Variants in SASH1 observed in about 807,000 individuals in gnomAD.
SASH1 encodes the protein SAM and SH3 domain-containing protein 1.
A neutral mutation model predicts 125.2 loss-of-function variants in SASH1; 44 were observed. That is an observed-to-expected ratio of 0.35 (90% CI 0.28 to 0.45). SASH1 has a LOEUF of 0.45. Ranked by LOEUF, SASH1 falls within the 20% of genes least tolerant of loss-of-function variation. The pLI is 1.00. For synonymous variants in SASH1, 639 were observed against 649.1 expected, an observed-to-expected ratio of 0.98 and a Z score of 0.24; for missense variants, 1,426 against 1,614.5, an observed-to-expected ratio of 0.88 and a Z score of 2.00.
At chr6:148,476,347 A>G (rs925285294) in intron 7 of SASH1, among the ~76,000 whole-genome samples, 3 of 151,766 alleles carry the variant, frequency 2.0e-5, no homozygotes, top group East Asian at 1.9e-4. Context: ...TAAAATGGCT[A>G]TGCTACCCAA....
the SASH1 span, among the ~76,000 whole-genome samples, chr6:148,244,549 G>A: frequency 2.0e-5 from 3 of 152,154 alleles, no homozygotes; most frequent in Admixed American, 6.5e-5. Flanking sequence ...GTGCTAAGGC[G>A]TTGTTTGCAG....
chr6:148,536,415 C>G (rs1447698449), intron 16 of SASH1, among the ~76,000 whole-genome samples: 1 of 152,232 alleles, frequency 6.6e-6, no homozygotes, highest in Non-Finnish European at 1.5e-5. Context: ...TCTTGGTTCA[C>G]CGCAACCTCC....
chr6:148,461,365 T>C (rs945148261), intron 4 of SASH1, among the ~76,000 whole-genome samples: 1 of 152,184 alleles, frequency 6.6e-6, no homozygotes, highest in South Asian at 2.1e-4. Context: ...AGAAAAAACC[T>C]GTATGGGGAT....
chr6:148,246,266 A>C, the SASH1 span, among the ~76,000 whole-genome samples: 1 of 152,192 alleles, frequency 6.6e-6, no homozygotes, highest in Non-Finnish European at 1.5e-5. Flanking sequence ...TCTTATCGTC[A>C]TTCAGTTCAT....
At chr6:148,304,484 G>A (rs1469546832) in intron 1 of SASH1, among the ~76,000 whole-genome samples, 1 of 146,918 alleles carries the variant, frequency 6.8e-6, no homozygotes, top group Non-Finnish European at 1.5e-5. Flanking sequence ...GGTGGTGGGC[G>A]CCTATAATCC....
At chr6:148,322,904 C>CCT (rs1780679960) in intron 1 of SASH1, among the ~76,000 whole-genome samples, 1 of 130,490 alleles carries the variant, frequency 7.7e-6, no homozygotes, top group Non-Finnish European at 1.7e-5. Flanking sequence ...TTCTTTCTCT[C>CCT]TCTTTCTTTC....
intron 4 of SASH1, among the ~76,000 whole-genome samples, chr6:148,444,682 G>A (rs1488220124): frequency 6.6e-6 from 1 of 152,112 alleles, no homozygotes; most frequent in Admixed American, 6.5e-5. Context: ...TATCTACATC[G>A]CTTATTGATG....
intron 8 of SASH1, among the ~76,000 whole-genome samples, chr6:148,496,522 G>A (rs1290214779): frequency 2.0e-5 from 3 of 152,340 alleles, no homozygotes; most frequent in African/African-American, 7.2e-5. Context: ...CAGCAATTCT[G>A]TATACGATGC....
At chr6:148,385,619 G>A (rs1392992080) in intron 1 of SASH1, among the ~76,000 whole-genome samples, 2 of 152,150 alleles carry the variant, frequency 1.3e-5, no homozygotes, top group African/African-American at 4.8e-5. Flanking sequence ...CAACCTCTGG[G>A]GAGGGGAGAG....
Position 148,544,534 on chromosome 6 carries a change from A to G in SASH1, c.3064A>G (p.Lys1022Glu), listed in dbSNP as rs1417029928. 2 of 1,613,280 alleles carry G rather than the reference A, an allele frequency of 1.2e-6. No individual in the cohort carries two copies. The highest frequency in any genetic ancestry group is 1.1e-5 in the South Asian group (1 of 91,074). ...PSPDAPCLPV[K>E]RGSPASPTSP... Reference sequence around the variant, plus strand: ...TCCCGATGCGCCATGCCTGCCAGTGAAAAGGGGCAGCCCCGCCAGCCCCAC... The same window carrying G: ...TCCCGATGCGCCATGCCTGCCAGTGGAAAGGGGCAGCCCCGCCAGCCCCAC... Residue 1022 changes from lysine (K) to glutamate (E), a missense_variant, in exon 18 of 20, where the codon AAA becomes GAA. Physicochemically the swap from Lys to Glu is moderately conservative, Grantham distance 56. This residue lies in a region of SASH1 where 634 missense variants were observed against 694.4 expected (regional missense o/e 0.91). Coordinates refer to ENST00000367467, the MANE Select transcript of SASH1 (RefSeq NM_015278.5). This position sits in a 1 kb window ranked among gnomAD's most constrained non-coding sequence, Gnocchi z 6.4.
rs1176679919 is a variant in SASH1 at position 148,428,701 on chromosome 6, TG to T, written c.286-11480del. The stretch of plus-strand genomic sequence containing the variant: ...TATTTTAACAGAGAGCACTAATGGC[TG>T]GGTGGAAATTGCCACTTCAGGTTTC... On this transcript the variant is annotated intron_variant, in intron 2 of 19. Transcript: ENST00000367467. Among the ~76,000 whole-genome samples, 3 of 151,234 alleles carry T rather than the reference TG, an allele frequency of 2.0e-5. 1 individual carries two copies. The East Asian group carries it at 5.8e-4, about 29-fold the overall frequency.
At chr6:148,457,487 T>G (rs1189762352) in intron 4 of SASH1, among the ~76,000 whole-genome samples, 2 of 152,198 alleles carry the variant, frequency 1.3e-5, no homozygotes, top group Non-Finnish European at 2.9e-5. Flanking sequence ...TTACAGTGAC[T>G]AATTGCGTGA....
At chr6:148,542,068 G>A (rs1000251859) in intron 17 of SASH1, among the ~76,000 whole-genome samples, 3 of 151,966 alleles carry the variant, frequency 2.0e-5, no homozygotes, top group Non-Finnish European at 4.4e-5. Flanking sequence ...CCCAACTGTT[G>A]GTGATTGGTA....
chr6:148,298,701 GGAAGGAA>G (rs1562312200), intron 1 of SASH1, among the ~76,000 whole-genome samples: 6 of 83,526 alleles, frequency 7.2e-5, no homozygotes, highest in Non-Finnish European at 2.4e-5. Flanking sequence ...AAGGAAGGAA[GGAAGGAA>G]GGAAGAAGGA....
chr6:148,394,113 G>A (rs1783848488), intron 2 of SASH1, among the ~76,000 whole-genome samples: 1 of 151,836 alleles, frequency 6.6e-6, no homozygotes, highest in African/African-American at 2.4e-5. Flanking sequence ...GGGTGGCCTC[G>A]AACTCCCGAC....
At chr6:148,349,248 C>CTTTTTTT (rs1781627053) in intron 1 of SASH1, among the ~76,000 whole-genome samples, 5 of 66,238 alleles carry the variant, frequency 7.5e-5, no homozygotes, top group East Asian at 4.7e-4. Context: ...TTTCTTCTTT[C>CTTTTTTT]TTTCTTTTTT....
chr6:148,288,869 C>T (rs2128508082), intron 1 of SASH1, among the ~76,000 whole-genome samples: 1 of 152,332 alleles, frequency 6.6e-6, no homozygotes. Context: ...AGCCTGGTTA[C>T]CAGACAAGAC....
intron 4 of SASH1, among the ~76,000 whole-genome samples, chr6:148,449,078 C>CTT: frequency 0.016 from 1,446 of 88,694 alleles, 164 homozygotes; most frequent in East Asian, 0.036. Flanking sequence ...CATTTCATTT[C>CTT]TTTTTTTTTT....
At chr6:148,289,001 C>CT (rs552526012) in intron 1 of SASH1, among the ~76,000 whole-genome samples, 4,470 of 148,776 alleles carry the variant, frequency 0.03, 163 homozygotes, top group African/African-American at 0.089. Flanking sequence ...TTTTTTCTTT[C>CT]TTTTTTTTTT....
Sources: gnomAD v4.1 joint callset for allele counts (sites outside exome capture counted in the v4.1 genomes callset) on GRCh38, gnomAD v4.1.1 for gene constraint, gnomAD v4.1.1 regional missense constraint, Gnocchi (gnomAD v3.1) non-coding constraint, MANE v1.5 for transcripts, NCBI Gene and HGNC (gene_info 2026-07-23, HGNC 2026-07-21) for gene names.